DNAJB6: variants seen among roughly 807,000 people sequenced by gnomAD.
The protein encoded by DNAJB6 is dnaJ homolog subfamily B member 6.
DNAJB6 carries 16 observed loss-of-function variants against 42.7 expected under a neutral mutation model. That is an observed-to-expected ratio of 0.37 (90% CI 0.25 to 0.57). DNAJB6 has a LOEUF of 0.57. Ranked by LOEUF, DNAJB6 falls within the 20% of genes least tolerant of loss-of-function variation. The pLI is 0.74. For missense variants in DNAJB6, 347 were observed against 416.8 expected, an observed-to-expected ratio of 0.83 and a Z score of 1.46; for synonymous variants, 170 against 163.5, an observed-to-expected ratio of 1.04 and a Z score of -0.30.
intron 8 of DNAJB6, among the ~76,000 whole-genome samples, chr7:157,389,689 T>C (rs1210475068): frequency 6.6e-6 from 1 of 152,210 alleles, no homozygotes; most frequent in African/African-American, 2.4e-5. Context: ...TTGGCTACGT[T>C]ATTTCGTCTT....
chr7:157,394,249 T>C (rs943199642), intron 8 of DNAJB6, among the ~76,000 whole-genome samples: 3 of 152,242 alleles, frequency 2.0e-5, no homozygotes, highest in Admixed American at 1.3e-4. Flanking sequence ...CCATATGACA[T>C]CTATTTTTTG....
intron 8 of DNAJB6, among the ~76,000 whole-genome samples, chr7:157,409,292 C>T (rs372382871): frequency 1.3e-3 from 196 of 152,252 alleles, no homozygotes; most frequent in African/African-American, 4.5e-3. Flanking sequence ...CCGGGATGGC[C>T]CTGCCTTGGG....
chr7:157,358,718 A>G lies in DNAJB6; in HGVS notation c.65+81A>G, dbSNP rs959958132. 2.1e-5 allele frequency: 24 copies of G among 1,154,006 alleles called. 1 individual carries two copies. In the Middle Eastern group the frequency reaches 5.8e-4, roughly 28 times the overall value. The allele number at this position is 1,154,006 out of a possible 1,614,324, so 71.5% of individuals were successfully genotyped here. A position where few individuals can be genotyped will look rare whatever the true frequency, so the allele number is the denominator to read the frequency against. ...AGTAGTATAACTTCTTCTATTGCCT[A>G]TGAAAATGGCTTTTAATGTAGTATA... On this transcript the variant is annotated intron_variant, in intron 2 of 9. Coordinates refer to ENST00000262177, the MANE Select transcript of DNAJB6 (RefSeq NM_058246.4).
At chr7:157,383,402 A>G (rs1800886432) in intron 6 of DNAJB6, among the ~76,000 whole-genome samples, 1 of 152,170 alleles carries the variant, frequency 6.6e-6, no homozygotes, top group Non-Finnish European at 1.5e-5. Flanking sequence ...CATCATGGTC[A>G]GAATTTTATT....
In DNAJB6 at chr7:157,410,050, T is replaced by G. The variant is rs1014354460; in HGVS notation, c.898+49T>G. 3 of 1,484,964 alleles carry G rather than the reference T, an allele frequency of 2.0e-6. No individual in the cohort carries two copies. The African/African-American group carries it at 4.2e-5, about 21-fold the overall frequency. The allele number at this position is 1,484,964 out of a possible 1,614,324, so 92.0% of individuals were successfully genotyped here. ...GAGCAGGCGCAGAGTGAGACTTCTC[T>G]GGGTGCCAGAGGACAGCGAGGACAC... On this transcript the variant is annotated intron_variant, in intron 9 of 9. Coordinates refer to ENST00000262177, the MANE Select transcript of DNAJB6 (RefSeq NM_058246.4).
At chr7:157,349,319 TAGGA>T (rs1481438670) in intron 1 of DNAJB6, among the ~76,000 whole-genome samples, 1 of 152,178 alleles carries the variant, frequency 6.6e-6, no homozygotes, top group African/African-American at 2.4e-5. Context: ...CTTTTAACAT[TAGGA>T]AGGCTTTGAT....
chr7:157,352,054 C>G (rs1799012015), intron 1 of DNAJB6, among the ~76,000 whole-genome samples: 1 of 151,734 alleles, frequency 6.6e-6, no homozygotes, highest in Non-Finnish European at 1.5e-5. Context: ...AATATTTACT[C>G]CAATTTGTGG....
At chr7:157,399,729 C>T (rs565415782) in intron 8 of DNAJB6, among the ~76,000 whole-genome samples, 28 of 152,198 alleles carry the variant, frequency 1.8e-4, no homozygotes, top group African/African-American at 6.7e-4. Context: ...AGAGCAATGG[C>T]ACAGTTGTGG....
At position 157,358,635 on chromosome 7, in the gene DNAJB6, G is replaced by A. The variant is rs886042682; in HGVS notation, c.63G>A (p.Lys21=). The A allele has an allele frequency of 3.7e-6, 6 of 1,610,456 alleles. No individual in the cohort carries two copies. The highest frequency in any genetic ancestry group is 1.7e-6 in the Non-Finnish European group (2 of 1,176,590). ...ATGCCTCACCCGAGGATATTAAAAA[G>A]GCGTAAGTAGTTTTATTTCTGTGGT... The part of the protein sequence containing the change: ...QRHASPEDIK[K]AYRKLALKWH... Residue 21 remains lysine (K), a splice_region_variant and synonymous_variant, in exon 2 of 10, where the codon AAG becomes AAA. Transcript: ENST00000262177.
At chr7:157,347,535 A>G (rs1449677784) in intron 1 of DNAJB6, among the ~76,000 whole-genome samples, 1 of 152,134 alleles carries the variant, frequency 6.6e-6, no homozygotes, top group East Asian at 1.9e-4. Flanking sequence ...TTGCTGGAAC[A>G]TTGACATTTA....
rs555380747 is a variant in DNAJB6 at position 157,405,305 on chromosome 7, T to G, written c.692-4490T>G. On this transcript the variant is annotated intron_variant, in intron 8 of 9. Coordinates refer to ENST00000262177, the MANE Select transcript of DNAJB6 (RefSeq NM_058246.4). ...GAGGGTGTTGCTGTGGGAAGTGTGC[T>G]GAGTTGTGTGTTCCTCGGCCCTCTG... Among the ~76,000 whole-genome samples, 25 of 152,274 alleles carry G rather than the reference T, an allele frequency of 1.6e-4. No homozygotes were observed. In the South Asian group the frequency reaches 5.0e-3, roughly 30 times the overall value.
rs1163835895 is a variant in DNAJB6, at chr7:157,375,996, A to G, written c.347-6250A>G. Among the ~76,000 whole-genome samples, 64 of 152,162 alleles carry G rather than the reference A, an allele frequency of 4.2e-4. 1 individual carries two copies. The highest frequency in any genetic ancestry group is 1.5e-5 in the Non-Finnish European group (1 of 68,028). ...GGAATTGACAGTGGGTCCTGAAATC[A>G]TGACAGCAGGCCTCTCCTGGGCCGC... On this transcript the variant is annotated intron_variant, in intron 5 of 9. Coordinates refer to ENST00000262177, the MANE Select transcript of DNAJB6 (RefSeq NM_058246.4).
At chr7:157,385,174 A>C (rs565570659) in intron 7 of DNAJB6, among the ~76,000 whole-genome samples, 166 bp downstream of exon 7, 32 of 152,340 alleles carry the variant, frequency 2.1e-4, no homozygotes, top group African/African-American at 7.5e-4. Context: ...CTTTTCTCTT[A>C]AATTTTACTT....
chr7:157,353,619 G>GTGTGTGTGTATGTA (rs765489885), intron 1 of DNAJB6, among the ~76,000 whole-genome samples: 4 of 146,890 alleles, frequency 2.7e-5, no homozygotes, highest in African/African-American at 1.0e-4. Context: ...GTGTGTGTGT[G>GTGTGTGTGTATGTA]TGTATGTATT....
At chr7:157,361,457 G>A (rs1365232188) in intron 2 of DNAJB6, among the ~76,000 whole-genome samples, 2 of 152,096 alleles carry the variant, frequency 1.3e-5, no homozygotes, top group East Asian at 3.9e-4. Context: ...GCGCCCGGCT[G>A]CTACATGTTT....
intron 1 of DNAJB6, among the ~76,000 whole-genome samples, chr7:157,342,333 A>AAT: frequency 1.7e-5 from 1 of 60,406 alleles, no homozygotes; most frequent in African/African-American, 7.3e-5. Context: ...ATCCTGGCTA[A>AAT]TTTTTTTTTT....
chr7:157,382,184 A>G, intron 5 of DNAJB6, 62 bp from the exon 6 acceptor site: 1 of 1,509,834 alleles, frequency 6.6e-7, no homozygotes, highest in Non-Finnish European at 8.8e-7. Context: ...TACTGTAGCT[A>G]TCACATGAGG....
chr7:157,384,773 A>G (rs895615053), intron 6 of DNAJB6, 94 bp from the exon 7 acceptor site: 5 of 1,285,180 alleles, frequency 3.9e-6, no homozygotes, highest in African/African-American at 1.5e-5. Flanking sequence ...ATGCCTTAAC[A>G]TTAAATATTC....
chr7:157,414,410 TCTC>T (rs1428107547), intron 9 of DNAJB6: 3 of 152,240 alleles, frequency 2.0e-5, no homozygotes, highest in Non-Finnish European at 4.4e-5. Flanking sequence ...GGGACGGAGA[TCTC>T]CTGGCTTCCT....
Sources: allele counts gnomAD v4.1 joint callset (sites outside exome capture counted in the v4.1 genomes callset), GRCh38; gene constraint gnomAD v4.1.1; transcripts MANE v1.5; gene names NCBI Gene and HGNC (gene_info 2026-07-23, HGNC 2026-07-21).